The following CLDN10 variants were observed in gnomAD, a reference collection of about 807,000 sequenced individuals.
CLDN10 encodes the protein claudin-10.
In CLDN10, 15 loss-of-function variants were observed where a neutral mutation model predicts 22.9. That is an observed-to-expected ratio of 0.65 (90% CI 0.44 to 1.01). The LOEUF is 1.01. Ranked by LOEUF, CLDN10 falls within the 50% of genes least tolerant of loss-of-function variation. The pLI, the probability that CLDN10 is intolerant of heterozygous loss-of-function variation, is 0.00. For missense variants in CLDN10, 247 were observed against 287.8 expected (o/e 0.86, Z 1.03); for synonymous variants, 114 against 111.4 (o/e 1.02, Z -0.15).
intron 1 of CLDN10, among the ~76,000 whole-genome samples, chr13:95,440,876 C>T (rs1254462300): frequency 1.3e-5 from 2 of 152,228 alleles, no homozygotes; most frequent in East Asian, 1.9e-4. Flanking sequence ...GGCGCTGGAG[C>T]GGTCAGAATG....
At chr13:95,497,640 T>G (rs928154155) in intron 1 of CLDN10, among the ~76,000 whole-genome samples, 2 of 152,210 alleles carry the variant, frequency 1.3e-5, no homozygotes, top group African/African-American at 2.4e-5. Context: ...CCTAGAATAG[T>G]GAACTTCAAC....
chr13:95,484,513 G>GT (rs1200105852), intron 1 of CLDN10, among the ~76,000 whole-genome samples: 3 of 152,076 alleles, frequency 2.0e-5, no homozygotes, highest in Non-Finnish European at 4.4e-5. Context: ...ACAAGGTCAA[G>GT]TTTTTTCAGT....
chr13:95,577,813 G>A, intron 4 of CLDN10, 87 bp from the exon 5 acceptor site: 6 of 739,890 alleles, frequency 8.1e-6, no homozygotes, highest in Non-Finnish European at 1.4e-5. Flanking sequence ...TTTAGATATT[G>A]GCAGAGACAG....
rs182767799 is a variant in CLDN10 at position 95,457,365 on chromosome 13, C to T, written c.214+23318C>T. On this transcript the variant is annotated intron_variant, in intron 1 of 4. Coordinates refer to the CLDN10 transcript ENST00000376873. ...ATCTTCTACATTGCAGAGTTTGTTT[C>T]GTATGCAAATGGATCCTCTTTCGTT... Among the ~76,000 whole-genome samples the T allele has an allele frequency of 2.8e-3, 422 of 152,300 alleles. 2 individuals carry two copies. The highest frequency in any genetic ancestry group is 0.017 in the Middle Eastern group (5 of 294).
chr13:95,461,889 C>A (rs950078007), intron 1 of CLDN10, among the ~76,000 whole-genome samples: 1 of 151,916 alleles, frequency 6.6e-6, no homozygotes, highest in Non-Finnish European at 1.5e-5. Context: ...GCTAGGAGTT[C>A]AAGACCAACC....
intron 1 of CLDN10, among the ~76,000 whole-genome samples, chr13:95,527,790 G>A (rs35139994): frequency 3.3e-5 from 5 of 152,170 alleles, no homozygotes; most frequent in East Asian, 1.9e-4. Context: ...ACTCTGTGGC[G>A]AGTGTATATC....
chr13:95,548,039 T>C (rs1040075029), upstream of CLDN10, among the ~76,000 whole-genome samples: 13 of 152,198 alleles, frequency 8.5e-5, no homozygotes, highest in Admixed American at 7.9e-4. Flanking sequence ...ATATCCAGAA[T>C]AACTCCTCTG....
intron 3 of CLDN10, among the ~76,000 whole-genome samples, chr13:95,575,654 C>T (rs935480232): frequency 6.6e-6 from 1 of 150,936 alleles, no homozygotes; most frequent in Non-Finnish European, 1.5e-5. Context: ...TCTGCCATTG[C>T]CCCTTAAGGG....
At chr13:95,507,269 A>T (rs1249936560) in intron 1 of CLDN10, among the ~76,000 whole-genome samples, 1 of 152,170 alleles carries the variant, frequency 6.6e-6, no homozygotes, top group African/African-American at 2.4e-5. Flanking sequence ...AAATTCTACC[A>T]GCTTTATTCT....
chr13:95,562,224 G>A (rs769834806), intron 3 of CLDN10, among the ~76,000 whole-genome samples: 43 of 151,882 alleles, frequency 2.8e-4, no homozygotes, highest in Non-Finnish European at 3.5e-4. Context: ...GAGCCACTGC[G>A]CCCGGCCCCG....
At chr13:95,506,205 T>C (rs1409639337) in intron 1 of CLDN10, among the ~76,000 whole-genome samples, 1 of 152,048 alleles carries the variant, frequency 6.6e-6, no homozygotes, top group East Asian at 1.9e-4. Flanking sequence ...TGGAGAGATG[T>C]TCTCATCAGC....
At chr13:95,442,359 G>A (rs558861787) in intron 1 of CLDN10, among the ~76,000 whole-genome samples, 24 of 152,280 alleles carry the variant, frequency 1.6e-4, no homozygotes, top group Admixed American at 1.0e-3. Flanking sequence ...AGAATGCAAA[G>A]CCTGATAGAA....
upstream of CLDN10, among the ~76,000 whole-genome samples, chr13:95,548,911 G>C (rs897346498): frequency 4.6e-5 from 7 of 152,216 alleles, no homozygotes; most frequent in African/African-American, 1.7e-4. Flanking sequence ...TGCTTGGTAG[G>C]TGTACTGAAT....
chr13:95,524,789 G>A (rs981114461), intron 1 of CLDN10, among the ~76,000 whole-genome samples: 2 of 151,960 alleles, frequency 1.3e-5, no homozygotes, highest in East Asian at 3.9e-4. Context: ...ATGTATGAGG[G>A]TTCTAATTTC....
chr13:95,496,227 C>T lies in CLDN10; in HGVS notation c.214+62180C>T, dbSNP rs191201090. Reference sequence around the variant, plus strand: ...CACCTGGTAAATAAGCACACATTCACGTCTGACGCATATGCTTCACTTCCA... The same window carrying T: ...CACCTGGTAAATAAGCACACATTCATGTCTGACGCATATGCTTCACTTCCA... On this transcript the variant is annotated intron_variant, in intron 1 of 4. Coordinates refer to the CLDN10 transcript ENST00000376873. Among the ~76,000 whole-genome samples, 115 of 152,322 alleles carry T rather than the reference C, an allele frequency of 7.5e-4. 3 individuals carry two copies. Among genetic ancestry groups the T allele is most frequent in the Admixed American group, 6.5e-3 (99 of 15,308 alleles).
chr13:95,515,901 C>T (rs2043161001), intron 1 of CLDN10, among the ~76,000 whole-genome samples: 1 of 152,014 alleles, frequency 6.6e-6, no homozygotes, highest in African/African-American at 2.4e-5. Context: ...TGGTGAAACC[C>T]CATCTCTACT....
intron 1 of CLDN10, among the ~76,000 whole-genome samples, chr13:95,493,152 C>T (rs1258366077): frequency 1.3e-5 from 2 of 151,986 alleles, no homozygotes; most frequent in African/African-American, 4.8e-5. Flanking sequence ...GTCAGTGGAC[C>T]CTGCAACTCT....
At chr13:95,554,418 C>G (rs1031622664) in intron 1 of CLDN10, among the ~76,000 whole-genome samples, 6 of 152,092 alleles carry the variant, frequency 3.9e-5, no homozygotes, top group Non-Finnish European at 7.4e-5. Flanking sequence ...GAAATGAATG[C>G]TCTATGAATA....
chr13:95,488,242 C>CA (rs1270135725), intron 1 of CLDN10, among the ~76,000 whole-genome samples: 1,475 of 67,614 alleles, frequency 0.022, 12 homozygotes, highest in East Asian at 0.033. Context: ...GACCCCATCT[C>CA]AAAAAAAAAA....
Sources: gnomAD v4.1 joint callset for allele counts (sites outside exome capture counted in the v4.1 genomes callset) on GRCh38, gnomAD v4.1.1 for gene constraint, MANE v1.5 for transcripts, NCBI Gene and HGNC (gene_info 2026-07-23, HGNC 2026-07-21) for gene names.